FAF1: variants seen among roughly 807,000 people sequenced by gnomAD.
The protein encoded by FAF1 is Fas associated factor 1, also known as FAS-associated factor 1.
A neutral mutation model predicts 92.5 loss-of-function variants in FAF1; 25 were observed. The ratio of observed to expected loss-of-function variants is 0.27; its 90% CI spans 0.20 to 0.38. The LOEUF is 0.38. Among genes scored for constraint, FAF1 ranks in the 10% least tolerant of loss-of-function variants. FAF1 has a pLI of 1.00. For synonymous variants in FAF1, 234 were observed against 273.2 expected, an observed-to-expected ratio of 0.86 and a Z score of 1.42; for missense variants, 636 against 793.3, an observed-to-expected ratio of 0.80 and a Z score of 2.38.
At chr1:50,497,137 A>T (rs182557542) in intron 15 of FAF1, among the ~76,000 whole-genome samples, 7 of 151,582 alleles carry the variant, frequency 4.6e-5, no homozygotes, top group Admixed American at 3.9e-4. Context: ...AGTTAATAAT[A>T]AAAAAAAATC....
intron 18 of FAF1, among the ~76,000 whole-genome samples, chr1:50,466,264 G>A (rs1646494330): frequency 6.6e-6 from 1 of 152,154 alleles, no homozygotes; most frequent in African/African-American, 2.4e-5. Flanking sequence ...AGGAGTCAAG[G>A]ATAACAGTAA....
At chr1:50,447,245 C>T (rs1163995273) in intron 18 of FAF1, among the ~76,000 whole-genome samples, 1 of 151,408 alleles carries the variant, frequency 6.6e-6, no homozygotes, top group African/African-American at 2.4e-5. Flanking sequence ...CCTGCCTCAG[C>T]CTCCCGAGTA....
intron 8 of FAF1, among the ~76,000 whole-genome samples, chr1:50,654,810 A>C (rs937483246): frequency 4.6e-5 from 7 of 152,164 alleles, no homozygotes; most frequent in African/African-American, 1.7e-4. Context: ...ATCAAGAAAA[A>C]AACTAAGTCA....
intron 1 of FAF1, among the ~76,000 whole-genome samples, chr1:50,886,397 A>G (rs912992669): frequency 6.6e-6 from 1 of 152,016 alleles, no homozygotes; most frequent in Admixed American, 6.6e-5. Context: ...TAATTACTAT[A>G]CTTTAAGTTC....
At chr1:50,594,504 A>C (rs1016090588) in intron 9 of FAF1, among the ~76,000 whole-genome samples, 2 of 151,622 alleles carry the variant, frequency 1.3e-5, no homozygotes, top group African/African-American at 4.8e-5. Context: ...CCATGGTCAG[A>C]GTTGGGCATG....
intron 8 of FAF1, among the ~76,000 whole-genome samples, chr1:50,646,001 C>A (rs1052352471): frequency 6.6e-6 from 1 of 152,174 alleles, no homozygotes; most frequent in South Asian, 2.1e-4. Context: ...AACTTCTAAT[C>A]TGCAACCATT....
intron 6 of FAF1, among the ~76,000 whole-genome samples, chr1:50,726,349 C>T (rs1233521652): frequency 6.6e-6 from 1 of 152,096 alleles, no homozygotes; most frequent in South Asian, 2.1e-4. Flanking sequence ...GTAAAAGGGA[C>T]AACTACAAAC....
chr1:50,802,219 T>G (rs1412056281), intron 2 of FAF1, among the ~76,000 whole-genome samples: 1 of 152,106 alleles, frequency 6.6e-6, no homozygotes, highest in Non-Finnish European at 1.5e-5. Context: ...GCCTCCTGAA[T>G]AGCTAGGATT....
intron 14 of FAF1, among the ~76,000 whole-genome samples, chr1:50,538,393 A>G (rs781778488): frequency 2.6e-5 from 4 of 152,066 alleles, no homozygotes; most frequent in Non-Finnish European, 5.9e-5. Context: ...GGACATTCTT[A>G]AGGCTTTTTC....
chr1:50,593,160 G>T (rs1284491181), intron 9 of FAF1, among the ~76,000 whole-genome samples: 1 of 152,094 alleles, frequency 6.6e-6, no homozygotes, highest in African/African-American at 2.4e-5. Flanking sequence ...GTAATAATAA[G>T]ATATTACCGA....
intron 8 of FAF1, among the ~76,000 whole-genome samples, chr1:50,631,151 AT>A (rs941774072): frequency 6.6e-6 from 1 of 151,728 alleles, no homozygotes; most frequent in South Asian, 2.1e-4. Context: ...GTCTAAACGC[AT>A]TTTTTTCCTA....
At chr1:50,932,671 G>A (rs1645057821) in intron 1 of FAF1, among the ~76,000 whole-genome samples, 1 of 152,176 alleles carries the variant, frequency 6.6e-6, no homozygotes, top group Non-Finnish European at 1.5e-5. Context: ...GGGATCTGGA[G>A]GATGGTGGCC....
In FAF1 at chr1:50,821,080, C is replaced by T. The variant is rs560530938; in HGVS notation, c.115-19403G>A. ...TTCTGCACCAACCTAATAGTTTCTTCATCTATAAAATGGAGGAAATAATGC... is the reference window on the plus strand; with the variant it reads ...TTCTGCACCAACCTAATAGTTTCTTTATCTATAAAATGGAGGAAATAATGC... On this transcript the variant is annotated intron_variant, in intron 2 of 18. Transcript: ENST00000396153. 1.8e-4 allele frequency among the ~76,000 whole-genome samples: 27 copies of T among 152,258 alleles called. 1 individual carries two copies. In the South Asian group the frequency reaches 5.2e-3, roughly 29 times the overall value.
chr1:50,584,441 T>G (rs1316064738), intron 10 of FAF1, among the ~76,000 whole-genome samples: 3 of 152,170 alleles, frequency 2.0e-5, no homozygotes, highest in Non-Finnish European at 4.4e-5. Context: ...TCATTATACA[T>G]GTAAAACAAA....
chr1:50,885,323 C>CACACACACACACACACACACACAT (rs1644651384), intron 1 of FAF1, among the ~76,000 whole-genome samples: 1 of 144,754 alleles, frequency 6.9e-6, no homozygotes, highest in Non-Finnish European at 1.5e-5. Context: ...CACACACACA[C>CACACACACACACACACACACACAT]ACTCTCTCTC....
chr1:50,681,534 T>G (rs1226391777), intron 7 of FAF1, among the ~76,000 whole-genome samples: 2 of 151,964 alleles, frequency 1.3e-5, no homozygotes, highest in South Asian at 4.1e-4. Context: ...TGAGACAGAG[T>G]TTCACTCTTG....
At chr1:50,548,627 C>A (rs1050268424) in intron 13 of FAF1, among the ~76,000 whole-genome samples, 1 of 152,220 alleles carries the variant, frequency 6.6e-6, no homozygotes, top group Non-Finnish European at 1.5e-5. Context: ...CACTTGAACC[C>A]TCAAAATAAG....
chr1:50,738,228 A>C (rs113454428), intron 6 of FAF1, among the ~76,000 whole-genome samples: 3,043 of 151,936 alleles, frequency 0.02, 100 homozygotes, highest in African/African-American at 0.071. Context: ...CAGATCACCT[A>C]AGGTCAGGAG....
chr1:50,907,363 G>A (rs892482453), intron 1 of FAF1, among the ~76,000 whole-genome samples: 9 of 152,050 alleles, frequency 5.9e-5, no homozygotes, highest in African/African-American at 1.9e-4. Flanking sequence ...TGTCTCTGCC[G>A]AGCTTTGGTA....
Sources: gnomAD v4.1 joint callset for allele counts (sites outside exome capture counted in the v4.1 genomes callset) on GRCh38, gnomAD v4.1.1 for gene constraint, MANE v1.5 for transcripts, NCBI Gene and HGNC (gene_info 2026-07-23, HGNC 2026-07-21) for gene names.